The following SLAIN1 variants were observed in gnomAD, a reference collection of about 807,000 sequenced individuals.
SLAIN1 encodes SLAIN motif-containing protein 1.
Under a neutral mutation model 55.4 loss-of-function variants are expected in SLAIN1, and 17 were observed. That is an observed-to-expected ratio of 0.31 (90% CI 0.21 to 0.46). SLAIN1 has a LOEUF of 0.46. Ranked by LOEUF, SLAIN1 falls within the 20% of genes least tolerant of loss-of-function variation. SLAIN1 has a pLI of 1.00. For synonymous variants in SLAIN1, 348 were observed against 337.4 expected (o/e 1.03, Z -0.35); for missense variants, 682 against 785.1 (o/e 0.87, Z 1.57).
chr13:77,738,010 C>T (rs1436310204), intron 2 of SLAIN1, among the ~76,000 whole-genome samples: 1 of 151,980 alleles, frequency 6.6e-6, no homozygotes, highest in East Asian at 1.9e-4. Context: ...AGGCAGACTT[C>T]TCGGAATGAC....
intron 4 of SLAIN1, among the ~76,000 whole-genome samples, chr13:77,748,377 C>T (rs531980441): frequency 1.4e-5 from 2 of 146,802 alleles, no homozygotes; most frequent in African/African-American, 5.1e-5. Flanking sequence ...TGAGAGGGCA[C>T]CTAGAGTTAT....
At chr13:77,715,717 A>G (rs1246046486) in intron 1 of SLAIN1, among the ~76,000 whole-genome samples, 1 of 152,166 alleles carries the variant, frequency 6.6e-6, no homozygotes, top group Admixed American at 6.6e-5. Flanking sequence ...GCTGTTTGCC[A>G]TAATAGGTCT....
chr13:77,725,385 A>AG (rs2091298428), intron 2 of SLAIN1, among the ~76,000 whole-genome samples: 1 of 152,226 alleles, frequency 6.6e-6, no homozygotes, highest in South Asian at 2.1e-4. Flanking sequence ...AGCCATGAGT[A>AG]GGAGTGATGA....
chr13:77,725,565 T>C lies in SLAIN1; in HGVS notation c.766+5894T>C, dbSNP rs1378982626. ...GCTGCTTATGTAATATTTGAGCAAA[T>C]ATTTTCGAAACTTGGTTCCTCTTTT... On this transcript the variant is annotated intron_variant, in intron 2 of 6. Transcript: ENST00000418532. 5.3e-5 allele frequency among the ~76,000 whole-genome samples: 8 copies of C among 152,284 alleles called. 1 individual carries two copies. Among genetic ancestry groups the C allele is most frequent in the Non-Finnish European group, 8.8e-5 (6 of 68,018 alleles).
intron 2 of SLAIN1, among the ~76,000 whole-genome samples, chr13:77,722,798 G>T (rs538139455): frequency 1.3e-5 from 2 of 152,152 alleles, no homozygotes; most frequent in Non-Finnish European, 2.9e-5. Context: ...CCAGGCTGGA[G>T]TGCAGTGGTG....
chr13:77,698,151 C>T lies in SLAIN1; in HGVS notation c.238C>T (p.Pro80Ser), dbSNP rs2090992686. 3.5e-6 allele frequency: 4 copies of T among 1,133,072 alleles called. No homozygotes were observed. In the African/African-American group the frequency reaches 5.0e-5, roughly 14 times the overall value. The allele number at this position is 1,133,072 out of a possible 1,614,324, so 70.2% of individuals were successfully genotyped here. Residue 80 changes from proline to serine, a missense_variant, in exon 1 of 7, where the codon CCT becomes TCT. This residue lies in a region of SLAIN1 where 401 missense variants were observed against 417.3 expected (regional missense o/e 0.96). Coordinates refer to ENST00000418532, the MANE Select transcript of SLAIN1 (RefSeq NM_001242868.2). This position sits in a 1 kb window ranked among gnomAD's most constrained non-coding sequence, Gnocchi z 4.1. ...PPPAGLQPLG[P>S]RSPPAATATA... ...CCCCGCTGGCCTGCAGCCTTTGGGTCCTCGGAGCCCCCCGGCCGCCACGGC... is the reference window on the plus strand; with the variant it reads ...CCCCGCTGGCCTGCAGCCTTTGGGTTCTCGGAGCCCCCCGGCCGCCACGGC...
At chr13:77,741,006 T>C (rs1415410485) in intron 2 of SLAIN1, among the ~76,000 whole-genome samples, 1 of 152,074 alleles carries the variant, frequency 6.6e-6, no homozygotes, top group Non-Finnish European at 1.5e-5. Context: ...AGACGCTAAT[T>C]GTGTTCCTAG....
chr13:77,741,298 G>A (rs2154410294), intron 2 of SLAIN1: 7 of 987,442 alleles, frequency 7.1e-6, no homozygotes, highest in Non-Finnish European at 8.4e-6. Context: ...TTGAACATGT[G>A]AGAACAGCTA....
chr13:77,763,444 A>T lies in SLAIN1; in HGVS notation c.*224A>T. The T allele has an allele frequency of 9.4e-6, 5 of 531,300 alleles. No homozygotes were observed. Among genetic ancestry groups the T allele is most frequent in the Non-Finnish European group, 1.0e-5 (3 of 299,464 alleles). 32.9% of individuals were successfully genotyped at this position (531,300 alleles called of 1,614,324 possible). A position where few individuals can be genotyped will look rare whatever the true frequency, so the allele number is the denominator to read the frequency against. ...TCAAACCCATGGTTGCAGTATTGTGACACTTAGATCTAGGAAGTTTTTGTA... is the reference window on the plus strand; with the variant it reads ...TCAAACCCATGGTTGCAGTATTGTGTCACTTAGATCTAGGAAGTTTTTGTA... On this transcript the variant is annotated 3_prime_UTR_variant, in exon 7 of 7. Transcript: ENST00000418532.
At chr13:77,726,928 G>T (rs564149844) in intron 2 of SLAIN1, among the ~76,000 whole-genome samples, 142 of 152,274 alleles carry the variant, frequency 9.3e-4, no homozygotes, top group African/African-American at 3.2e-3. Context: ...TGAGATAATG[G>T]CTCAAATATT....
chr13:77,719,447 T>G lies in SLAIN1; in HGVS notation c.627-85T>G, dbSNP rs188190191. On this transcript the variant is annotated intron_variant, in intron 1 of 6. Transcript: ENST00000418532. ...AATATGAGTTCTGTTTCTATGGAAA[T>G]TGTTAAATACATGTTGCTTTCCCCA... 65 of 929,992 alleles carry G rather than the reference T, an allele frequency of 7.0e-5. No individual in the cohort carries two copies. In the East Asian group the frequency reaches 1.7e-3, roughly 24 times the overall value. The allele number at this position is 929,992 out of a possible 1,614,324, so 57.6% of individuals were successfully genotyped here. A position where few individuals can be genotyped will look rare whatever the true frequency, so the allele number is the denominator to read the frequency against.
chr13:77,744,389 G>A lies in SLAIN1; in HGVS notation c.873G>A (p.Gln291=), dbSNP rs1410844854. 2 of 1,612,722 alleles carry A rather than the reference G, an allele frequency of 1.2e-6. No homozygotes were observed. Among genetic ancestry groups the A allele is most frequent in the Non-Finnish European group, 1.7e-6 (2 of 1,179,238 alleles). The part of the protein sequence containing the change: ...DDSISMGYKL[Q]DLTDVQIMAR... ...CTATCTCCATGGGATATAAATTACA[G>A]GACCTCACTGATGTTCAGATCATGG... is the stretch of plus-strand genomic sequence containing the variant. Residue 291 remains glutamine (Q), a synonymous_variant, in exon 3 of 7, where the codon CAG becomes CAA. Transcript: ENST00000418532.
Position 77,698,158 on chromosome 13 carries a change from GC to G in SLAIN1, c.251del (p.Pro84ArgfsTer115). On this transcript the variant is annotated frameshift_variant, in exon 1 of 7. Transcript: ENST00000418532. LOFTEE classifies it high-confidence loss of function. The surrounding 1 kb of genome is among the most constrained non-coding windows in gnomAD (Gnocchi z 4.1). ...PAGLQPLGPR[S>X]PPAATATAAA... ...GGCCTGCAGCCTTTGGGTCCTCGGA[GC>G]CCCCCGGCCGCCACGGCCACCGCCG... The G allele has an allele frequency of 1.7e-6, 2 of 1,157,422 alleles. No homozygotes were observed. Among genetic ancestry groups the G allele is most frequent in the Non-Finnish European group, 2.1e-6 (2 of 940,104 alleles). The allele number at this position is 1,157,422 out of a possible 1,614,324, so 71.7% of individuals were successfully genotyped here. A position where few individuals can be genotyped will look rare whatever the true frequency, so the allele number is the denominator to read the frequency against.
intron 1 of SLAIN1, among the ~76,000 whole-genome samples, chr13:77,706,155 T>G (rs1162246591): frequency 6.6e-6 from 1 of 152,124 alleles, no homozygotes; most frequent in South Asian, 2.1e-4. Context: ...CTTTATACTT[T>G]TATGATCTTA....
At position 77,715,862 on chromosome 13, in the gene SLAIN1, G is replaced by A. The variant is rs536620485; in HGVS notation, c.627-3670G>A. Among the ~76,000 whole-genome samples the A allele has an allele frequency of 5.9e-5, 9 of 152,086 alleles. No homozygotes were observed. In the East Asian group the frequency reaches 1.5e-3, roughly 26 times the overall value. The stretch of plus-strand genomic sequence containing the variant: ...TGCAAATATGTCTTTCCCAATCTGT[G>A]GTTTATCACTCATCCTTTTAGCAAT... On this transcript the variant is annotated intron_variant, in intron 1 of 6. Transcript: ENST00000418532.
At chr13:77,758,069 T>G (rs1335539054) in intron 5 of SLAIN1, among the ~76,000 whole-genome samples, 1 of 152,136 alleles carries the variant, frequency 6.6e-6, no homozygotes, top group Non-Finnish European at 1.5e-5. Context: ...AAGTGTTCCC[T>G]TTTTGCCACA....
At chr13:77,736,090 G>C (rs17068233) in intron 2 of SLAIN1, among the ~76,000 whole-genome samples, 16,518 of 152,080 alleles carry the variant, frequency 0.11, 923 homozygotes, top group East Asian at 0.12. Flanking sequence ...CTTGTGTTGA[G>C]ATTAGAATTG....
Position 77,753,320 on chromosome 13 carries a change from A to G in SLAIN1, c.1376A>G (p.His459Arg), listed in dbSNP as rs148135081. Reference sequence around the variant, plus strand: ...AGTCAGAGTTTTGACTCAAGCTTGCATGGAGCTGGAAATGGAATTTCAAGA... The same window carrying G: ...AGTCAGAGTTTTGACTCAAGCTTGCGTGGAGCTGGAAATGGAATTTCAAGA... ...RNSQSFDSSL[H>R]GAGNGISRIQ... The change falls in exon 5 of 7, where the codon CAT becomes CGT. Residue 459 changes from histidine (H) to arginine (R), a missense_variant. By Grantham distance (29) the His-to-Arg change is conservative. Transcript: ENST00000418532. 2 of 1,611,316 alleles carry G rather than the reference A, an allele frequency of 1.2e-6. No individual in the cohort carries two copies. Among genetic ancestry groups the G allele is most frequent in the Non-Finnish European group, 1.7e-6 (2 of 1,178,980 alleles).
intron 1 of SLAIN1, among the ~76,000 whole-genome samples, chr13:77,710,271 GAC>G: frequency 6.6e-6 from 1 of 152,188 alleles, no homozygotes; most frequent in South Asian, 2.1e-4. Flanking sequence ...CCAATTAAAA[GAC>G]ACAGATTGGC....
Sources: allele counts gnomAD v4.1 joint callset (sites outside exome capture counted in the v4.1 genomes callset), GRCh38; gene constraint gnomAD v4.1.1; regional missense constraint gnomAD v4.1.1; non-coding constraint Gnocchi (gnomAD v3.1); transcripts MANE v1.5; gene names NCBI Gene and HGNC (gene_info 2026-07-23, HGNC 2026-07-21).